CASZ1: variants seen among roughly 807,000 people sequenced by gnomAD.
CASZ1 encodes the protein zinc finger protein castor homolog 1.
CASZ1 carries 28 observed loss-of-function variants against 135.2 expected under a neutral mutation model. That is an observed-to-expected ratio of 0.21 (90% CI 0.15 to 0.28). The LOEUF (loss-of-function observed/expected upper bound fraction) is 0.28, where lower values mean the gene tolerates loss of function less well. Ranked by LOEUF, CASZ1 falls within the 10% of genes least tolerant of loss-of-function variation. The probability of loss-of-function intolerance (pLI) is 1.00; values close to 1 mark genes in which losing one functional copy is unlikely to be tolerated. For synonymous variants in CASZ1, 1,068 were observed against 1,073.4 expected (o/e 0.99, Z 0.10); for missense variants, 2,161 against 2,453.3 (o/e 0.88, Z 2.52).
chr1:10,785,920 G>A (rs890197577), intron 1 of CASZ1, among the ~76,000 whole-genome samples: 12 of 152,330 alleles, frequency 7.9e-5, no homozygotes, highest in Middle Eastern at 3.4e-3. Flanking sequence ...TCCACGTGAC[G>A]GGAATTCCAA....
intron 1 of CASZ1, among the ~76,000 whole-genome samples, chr1:10,761,824 T>A (rs1232752900): frequency 3.9e-5 from 6 of 152,150 alleles, no homozygotes; most frequent in African/African-American, 1.2e-4. Context: ...GATGTGAGAA[T>A]GGGGTGCTGA....
chr1:10,736,098 C>A (rs984926429), intron 2 of CASZ1, among the ~76,000 whole-genome samples: 3 of 152,214 alleles, frequency 2.0e-5, no homozygotes, highest in African/African-American at 7.2e-5. Flanking sequence ...CCCCACCCAC[C>A]TGTTGCTGAT....
intron 2 of CASZ1, among the ~76,000 whole-genome samples, chr1:10,752,099 C>T (rs1640160969): frequency 6.6e-6 from 1 of 152,202 alleles, no homozygotes; most frequent in East Asian, 1.9e-4. Context: ...AAGGAGCTAG[C>T]ACGGGCTGCC....
At chr1:10,781,088 C>T (rs1443315237) in intron 1 of CASZ1, among the ~76,000 whole-genome samples, 2 of 152,256 alleles carry the variant, frequency 1.3e-5, no homozygotes, top group Non-Finnish European at 2.9e-5. Context: ...CCCCTACTCG[C>T]CCCACCCCAA....
At chr1:10,659,529 G>A (rs1361310309) in intron 6 of CASZ1, among the ~76,000 whole-genome samples, 173 bp downstream of exon 6, 1 of 152,246 alleles carries the variant, frequency 6.6e-6, no homozygotes. Flanking sequence ...ACCTGTGTGT[G>A]TGGAAGCGCA....
At chr1:10,684,616 G>A (rs1638528042) in intron 4 of CASZ1, among the ~76,000 whole-genome samples, 1 of 152,168 alleles carries the variant, frequency 6.6e-6, no homozygotes, top group Non-Finnish European at 1.5e-5. Context: ...GGACTGAGGG[G>A]GTTCACACAC....
In CASZ1 at chr1:10,648,031, G is replaced by A. The variant is rs755474774; in HGVS notation, c.3267C>T (p.Val1089=). ...KPPMAPSSPP[V]PPVTTATVSS... is the part of the protein sequence containing the mutation. ...ACACCGTGGCCGTGGTGACAGGAGG[G>A]ACCGGAGGGGACGAGGGGGCCATGG... The change falls in exon 16 of 21, where the codon GTC becomes GTT. Residue 1089 remains valine (V), a synonymous_variant. Transcript: ENST00000377022. 6.2e-6 allele frequency: 10 copies of A among 1,601,316 alleles called. No homozygotes were observed. In the South Asian group the frequency reaches 1.1e-4, roughly 18 times the overall value.
rs1364084725 is a variant in CASZ1, at chr1:10,707,030, A to T, written c.-76-1486T>A. 2.0e-5 allele frequency among the ~76,000 whole-genome samples: 3 copies of T among 152,090 alleles called. No homozygotes were observed. The East Asian group carries it at 5.8e-4, about 29-fold the overall frequency. On this transcript the variant is annotated intron_variant, in intron 2 of 20. Transcript: ENST00000377022. The surrounding 1 kb of genome is among the most constrained non-coding windows in gnomAD (Gnocchi z 5.0). Reference sequence around the variant, plus strand: ...ATGGAGACCCCCAGGCCTCCACTGCAAGGCACCAGGTGGGCTCAGCCATCA... The same window carrying T: ...ATGGAGACCCCCAGGCCTCCACTGCTAGGCACCAGGTGGGCTCAGCCATCA...
chr1:10,663,195 G>A (rs889403653), intron 5 of CASZ1, among the ~76,000 whole-genome samples: 3 of 152,200 alleles, frequency 2.0e-5, no homozygotes. Context: ...TCTCCTCCCA[G>A]GCGAACCTGC....
chr1:10,734,611 G>A (rs1639761574), intron 2 of CASZ1, among the ~76,000 whole-genome samples: 1 of 151,982 alleles, frequency 6.6e-6, no homozygotes, highest in African/African-American at 2.4e-5. Context: ...GGCAAAATGG[G>A]AATTAACGTG....
At position 10,751,075 on chromosome 1, in the gene CASZ1, A is replaced by G. The variant is rs369936405; in HGVS notation, c.-77+9626T>C. ...GGCTGCGATTGTAACTGTCATTGCT[A>G]TTATTATTATTAATTATTATTATTA... On this transcript the variant is annotated intron_variant, in intron 2 of 20. Coordinates refer to ENST00000377022, the MANE Select transcript of CASZ1 (RefSeq NM_001079843.3). Among the ~76,000 whole-genome samples the G allele has an allele frequency of 3.2e-4, 49 of 151,432 alleles. 3 individuals are homozygous for G. In the East Asian group the frequency reaches 7.6e-3, roughly 23 times the overall value.
rs1335221912 is a variant in CASZ1, at chr1:10,665,314, C to G, written c.274G>C (p.Val92Leu). The G allele has an allele frequency of 3.1e-6, 5 of 1,612,728 alleles. No individual in the cohort carries two copies. The highest frequency in any genetic ancestry group is 4.2e-6 in the Non-Finnish European group (5 of 1,179,226). Residue 92 changes from valine to leucine, a missense_variant, in exon 5 of 21, where the codon GTG becomes CTG. Around this residue, in one of 7 missense-constraint regions of CASZ1, gnomAD observed 590 missense variants for 609.8 expected, o/e 0.97. Coordinates refer to ENST00000377022, the MANE Select transcript of CASZ1 (RefSeq NM_001079843.3). ...GGCTCCTCGCTGTACTCCCCGTTCACCCACTTCTCGATCACTGCCCGTCTC... is the reference window on the plus strand; with the variant it reads ...GGCTCCTCGCTGTACTCCCCGTTCAGCCACTTCTCGATCACTGCCCGTCTC... ...DKRRAVIEKWVNGEYSEEPAP... is the reference protein window; with the variant it reads ...DKRRAVIEKWLNGEYSEEPAP...
In CASZ1 at chr1:10,660,120, G is replaced by A. The variant is rs774127234; in HGVS notation, c.922C>T (p.Arg308Trp). The A allele has an allele frequency of 8.7e-6, 14 of 1,614,112 alleles. No individual in the cohort carries two copies. The highest frequency in any genetic ancestry group is 1.2e-5 in the Non-Finnish European group (14 of 1,180,010). ...SSVQMQNLVA[R>W]ASKYDFFIQK... The stretch of plus-strand genomic sequence containing the variant: ...ATGAAGAAGTCGTACTTGGAGGCCC[G>A]GGCTACCAGGTTCTGCATCTGGACA... Residue 308 changes from arginine to tryptophan, a missense_variant, in exon 6 of 21, where the codon CGG (arginine) becomes TGG (tryptophan). Around this residue, in one of 7 missense-constraint regions of CASZ1, gnomAD observed 590 missense variants for 609.8 expected, o/e 0.97. Transcript: ENST00000377022.
rs1009529372 is a variant in CASZ1, at chr1:10,637,680, G to T, written c.*1262C>A. On this transcript the variant is annotated 3_prime_UTR_variant, in exon 21 of 21. Coordinates refer to ENST00000377022, the MANE Select transcript of CASZ1 (RefSeq NM_001079843.3). ...GGGACCTCAGAGCCACTGGCCAGGT[G>T]TGTGCCTGCCAGGTCAGGCCCTGGC... 1 of 152,374 alleles carries T rather than the reference G, an allele frequency of 6.6e-6. No homozygotes were observed. The highest frequency in any genetic ancestry group is 6.5e-5 in the Admixed American group (1 of 15,290). 9.4% of individuals were successfully genotyped at this position (152,374 alleles called of 1,614,324 possible).
chr1:10,694,355 T>C lies in CASZ1; in HGVS notation c.-23-443A>G. ...AATAATCAACTTTCATAATACTTAA[T>C]TAATGCCTAATTGCAACTGATTACT... On this transcript the variant is annotated intron_variant, in intron 3 of 20. Transcript: ENST00000377022. The surrounding 1 kb of genome is among the most constrained non-coding windows in gnomAD (Gnocchi z 6.6). 1.8e-6 allele frequency: 2 copies of C among 1,135,478 alleles called. No homozygotes were observed. Among genetic ancestry groups the C allele is most frequent in the South Asian group, 3.4e-5 (2 of 59,468 alleles). The allele number at this position is 1,135,478 out of a possible 1,614,324, so 70.3% of individuals were successfully genotyped here.
chr1:10,747,562 G>A lies in CASZ1; in HGVS notation c.-77+13139C>T, dbSNP rs1162219934. Among the ~76,000 whole-genome samples, 1 of 152,186 alleles carries A rather than the reference G, an allele frequency of 6.6e-6. No individual in the cohort carries two copies. Among genetic ancestry groups the A allele is most frequent in the African/African-American group, 2.4e-5 (1 of 41,438 alleles). ...CCCTGTCCCGGGCTTTGCAGAGTGG[G>A]GAGAAGGTGAGGTGGGCTCAGGGTC... On this transcript the variant is annotated intron_variant, in intron 2 of 20. Transcript: ENST00000377022. The surrounding 1 kb of genome is among the most constrained non-coding windows in gnomAD (Gnocchi z 4.3).
intron 4 of CASZ1, among the ~76,000 whole-genome samples, chr1:10,673,447 GCA>G (rs894916316): frequency 3.9e-5 from 6 of 151,974 alleles, no homozygotes; most frequent in Non-Finnish European, 7.4e-5. Context: ...TTGTGTGTGT[GCA>G]CACACGCGCG....
intron 1 of CASZ1, among the ~76,000 whole-genome samples, chr1:10,761,969 C>T (rs752010506): frequency 2.0e-5 from 3 of 152,306 alleles, no homozygotes; most frequent in East Asian, 1.9e-4. Context: ...AGCAGCTCTG[C>T]GTTCCTGAAG....
chr1:10,648,887 G>A, intron 15 of CASZ1, 183 bp downstream of exon 15: 1 of 784,294 alleles, frequency 1.3e-6, no homozygotes, highest in Non-Finnish European at 2.0e-6. Context: ...AGAGCCCCCG[G>A]CTGAGGGCTG....
Sources: gnomAD v4.1 joint callset for allele counts (sites outside exome capture counted in the v4.1 genomes callset) on GRCh38, gnomAD v4.1.1 for gene constraint, gnomAD v4.1.1 regional missense constraint, Gnocchi (gnomAD v3.1) non-coding constraint, MANE v1.5 for transcripts, NCBI Gene and HGNC (gene_info 2026-07-23, HGNC 2026-07-21) for gene names.